TPRG1: variants seen among roughly 807,000 people sequenced by gnomAD.
TPRG1 encodes the protein tumor protein p63 regulated 1, also known as tumor protein p63-regulated gene 1 protein.
TPRG1 carries 29 observed loss-of-function variants against 29.3 expected under a neutral mutation model. That is an observed-to-expected ratio of 0.99 (90% CI 0.74 to 1.35). The LOEUF (loss-of-function observed/expected upper bound fraction) is 1.35. Ranked by LOEUF, TPRG1 falls within the 40% of genes most tolerant of loss-of-function variation. The pLI is 0.00. For missense variants in TPRG1, 327 were observed against 335.0 expected (o/e 0.98, Z 0.19); for synonymous variants, 130 against 116.8 (o/e 1.11, Z -0.73).
At chr3:189,014,712 C>T (rs533312411) in intron 3 of TPRG1, among the ~76,000 whole-genome samples, 1 of 152,254 alleles carries the variant, frequency 6.6e-6, no homozygotes, top group Admixed American at 6.5e-5. Context: ...TTTGCTTTCT[C>T]TTTCTCCTGC....
chr3:189,030,695 AGGAGT>A (rs1713884448), intron 4 of TPRG1, among the ~76,000 whole-genome samples: 2 of 152,214 alleles, frequency 1.3e-5, no homozygotes, highest in South Asian at 4.1e-4. Context: ...ACCTACCCTG[AGGAGT>A]GGAGTGTACA....
chr3:189,105,694 T>C (rs1719736210), intron 1 of TPRG1, among the ~76,000 whole-genome samples: 3 of 152,170 alleles, frequency 2.0e-5, no homozygotes, highest in Non-Finnish European at 4.4e-5. Context: ...AGTTTTACTG[T>C]TTTAAATTCT....
intron 4 of TPRG1, among the ~76,000 whole-genome samples, chr3:189,041,054 T>C (rs113212054): frequency 7.4e-4 from 113 of 152,320 alleles, no homozygotes; most frequent in African/African-American, 2.3e-3. Context: ...CTTTGCACTT[T>C]AGCCTGGATA....
intron 3 of TPRG1, among the ~76,000 whole-genome samples, chr3:189,137,548 A>T (rs1723929041): frequency 6.6e-6 from 1 of 152,166 alleles, no homozygotes; most frequent in Non-Finnish European, 1.5e-5. Flanking sequence ...TCTACATTCC[A>T]CACAGCCCTT....
In TPRG1 at chr3:189,318,866, C is replaced by T. The variant is rs1301990458; in HGVS notation, c.634-1760C>T. Reference sequence around the variant, plus strand: ...TGCAAATGAGGAACATGAATTCTTCCCTAAATATCAGAATTTTAAAACTAA... The same window carrying T: ...TGCAAATGAGGAACATGAATTCTTCTCTAAATATCAGAATTTTAAAACTAA... On this transcript the variant is annotated intron_variant, in intron 5 of 5. Transcript: ENST00000345063. Among the ~76,000 whole-genome samples, 4 of 152,026 alleles carry T rather than the reference C, an allele frequency of 2.6e-5. No individual in the cohort carries two copies. In the South Asian group the frequency reaches 8.3e-4, roughly 32 times the overall value.
chr3:189,026,641 A>G (rs1327377079), intron 4 of TPRG1, among the ~76,000 whole-genome samples: 1 of 152,190 alleles, frequency 6.6e-6, no homozygotes, highest in African/African-American at 2.4e-5. Flanking sequence ...TTGTGCAGGG[A>G]GAGATTTAGA....
intron 4 of TPRG1, among the ~76,000 whole-genome samples, chr3:189,301,069 A>G (rs942884661): frequency 2.1e-4 from 32 of 152,056 alleles, no homozygotes; most frequent in African/African-American, 7.5e-4. Flanking sequence ...AGGCTGAGGC[A>G]GGCGGATCAT....
intron 1 of TPRG1, among the ~76,000 whole-genome samples, chr3:189,180,041 G>A (rs574465902): frequency 7.8e-4 from 119 of 152,226 alleles, no homozygotes; most frequent in Admixed American, 1.6e-3. Context: ...TTACATGGAC[G>A]GCAGCATACG....
intron 4 of TPRG1, among the ~76,000 whole-genome samples, chr3:189,250,519 C>A (rs114952775): frequency 0.02 from 2,287 of 113,716 alleles, 218 homozygotes; most frequent in African/African-American, 0.071. Context: ...CCCCCCCCCA[C>A]CCAGATTAAA....
chr3:189,183,367 C>A (rs141131979), intron 1 of TPRG1, among the ~76,000 whole-genome samples: 307 of 152,208 alleles, frequency 2.0e-3, no homozygotes, highest in African/African-American at 7.2e-3. Flanking sequence ...ATCACAGCAC[C>A]ACAGGACCGG....
At chr3:189,085,456 T>TGTGTGC (rs1377748051) in intron 4 of TPRG1, among the ~76,000 whole-genome samples, 28 of 152,072 alleles carry the variant, frequency 1.8e-4, no homozygotes, top group African/African-American at 6.5e-4. Context: ...CATGTGTGTG[T>TGTGTGC]GTGTGTGTGT....
chr3:189,160,001 C>A (rs1727258298), intron 5 of TPRG1, among the ~76,000 whole-genome samples: 1 of 147,790 alleles, frequency 6.8e-6, no homozygotes, highest in African/African-American at 2.5e-5. Flanking sequence ...CATAATAAAT[C>A]CTAAAATTCA....
At chr3:189,082,912 C>G (rs1447767898) in intron 4 of TPRG1, among the ~76,000 whole-genome samples, 1 of 152,100 alleles carries the variant, frequency 6.6e-6, no homozygotes, top group Non-Finnish European at 1.5e-5. Flanking sequence ...TGTGTTTGTG[C>G]TATGTCACAT....
intron 4 of TPRG1, among the ~76,000 whole-genome samples, chr3:189,071,975 A>G (rs1024302456): frequency 1.3e-5 from 2 of 152,210 alleles, no homozygotes; most frequent in South Asian, 2.1e-4. Context: ...TGGTATATGC[A>G]TGGACAGTAA....
chr3:189,291,036 G>A (rs1053755494), intron 4 of TPRG1, among the ~76,000 whole-genome samples: 16 of 151,894 alleles, frequency 1.1e-4, no homozygotes, highest in Non-Finnish European at 1.5e-4. Context: ...CGAGTAGCTG[G>A]GACTACAGGG....
Position 189,016,527 on chromosome 3 carries a change from A to T in TPRG1, c.-659-7223A>T, listed in dbSNP as rs896944033. ...TGACTGGTTTTGAAATGTGAGAAGG[A>T]CATGAGATTCGGGAGGGGCTGGGAT... On this transcript the variant is annotated intron_variant, in intron 3 of 10. Transcript: ENST00000433971. Among the ~76,000 whole-genome samples the T allele has an allele frequency of 2.6e-5, 4 of 152,174 alleles. No homozygotes were observed. The South Asian group carries it at 6.2e-4, about 24-fold the overall frequency.
chr3:189,271,729 A>G (rs1446597369), intron 4 of TPRG1, among the ~76,000 whole-genome samples: 1 of 152,228 alleles, frequency 6.6e-6, no homozygotes, highest in Admixed American at 6.5e-5. Context: ...TGTAAAGTTA[A>G]ACACATTTAC....
chr3:189,066,351 CAAAG>C (rs1241989307), intron 4 of TPRG1, among the ~76,000 whole-genome samples: 6 of 151,876 alleles, frequency 4.0e-5, no homozygotes, highest in Admixed American at 2.0e-4. Context: ...CCAAACCAGA[CAAAG>C]AACATTACAA....
At chr3:189,078,675 A>T (rs1014681494) in intron 4 of TPRG1, among the ~76,000 whole-genome samples, 3 of 152,200 alleles carry the variant, frequency 2.0e-5, no homozygotes, top group Non-Finnish European at 4.4e-5. Context: ...GATAATAGAT[A>T]TATTATGCTT....
Sources: gnomAD v4.1 joint callset for allele counts (sites outside exome capture counted in the v4.1 genomes callset) on GRCh38, gnomAD v4.1.1 for gene constraint, MANE v1.5 for transcripts, NCBI Gene and HGNC (gene_info 2026-07-23, HGNC 2026-07-21) for gene names.